ASIC2: variants seen among roughly 807,000 people sequenced by gnomAD.
The protein encoded by ASIC2 is acid-sensing ion channel 2.
Under a neutral mutation model 57.3 loss-of-function variants are expected in ASIC2, and 25 were observed. The observed-to-expected ratio is 0.44, with a 90% CI of 0.32 to 0.61. The LOEUF is 0.61. ASIC2 is among the 20% of genes least tolerant of loss of function. ASIC2 has a pLI of 0.06. For missense variants in ASIC2, 641 were observed against 738.1 expected, an observed-to-expected ratio of 0.87 and a Z score of 1.52; for synonymous variants, 319 against 307.5, an observed-to-expected ratio of 1.04 and a Z score of -0.39.
chr17:33,818,323 A>T (rs1912647651), intron 1 of ASIC2, among the ~76,000 whole-genome samples: 1 of 152,240 alleles, frequency 6.6e-6, no homozygotes, highest in Non-Finnish European at 1.5e-5. Flanking sequence ...TAAACCAATT[A>T]GCTTTTATTA....
chr17:33,677,897 C>G (rs1907875536), intron 1 of ASIC2, among the ~76,000 whole-genome samples: 1 of 152,164 alleles, frequency 6.6e-6, no homozygotes, highest in Non-Finnish European at 1.5e-5. Context: ...GATAAAGCAG[C>G]AGCAGGGTTT....
chr17:33,952,915 T>C (rs923105155), intron 1 of ASIC2, among the ~76,000 whole-genome samples: 1 of 152,186 alleles, frequency 6.6e-6, no homozygotes, highest in Non-Finnish European at 1.5e-5. Flanking sequence ...TGCAAAAATG[T>C]AATTATAAAA....
At chr17:33,284,561 A>G (rs1905074171) in intron 1 of ASIC2, among the ~76,000 whole-genome samples, 1 of 152,180 alleles carries the variant, frequency 6.6e-6, no homozygotes, top group Non-Finnish European at 1.5e-5. Context: ...CTTGCAGTGA[A>G]AAAAACTTCA....
At position 34,156,560 on chromosome 17, in the gene ASIC2, CTTCAGGTTGA is replaced by C. The variant is rs1204696664; in HGVS notation, c.-38_-29del. 6 of 1,544,916 alleles carry C rather than the reference CTTCAGGTTGA, an allele frequency of 3.9e-6. No individual in the cohort carries two copies. The African/African-American group carries it at 4.1e-5, about 11-fold the overall frequency. On this transcript the variant is annotated 5_prime_UTR_variant, in exon 1 of 10. Coordinates refer to the ASIC2 transcript ENST00000359872. This position sits in a 1 kb window ranked among gnomAD's most constrained non-coding sequence, Gnocchi z 4.4. ...GGACCCCGTGCAGTTCCGCAACTGGCTTCAGGTTGATCGAATTTCAGAGAAGAGCTCCCAG... is the reference window on the plus strand; with the variant it reads ...GGACCCCGTGCAGTTCCGCAACTGGCTCGAATTTCAGAGAAGAGCTCCCAG...
intron 1 of ASIC2, among the ~76,000 whole-genome samples, chr17:33,302,239 C>T: frequency 6.6e-6 from 1 of 152,200 alleles, no homozygotes; most frequent in East Asian, 1.9e-4. Context: ...ATACACATAA[C>T]AAAACTCTCG....
rs771624171 is a variant in ASIC2 at position 33,898,220 on chromosome 17, C to CTTTTTTTT, written c.555+257750_555+257757dup. Among the ~76,000 whole-genome samples the CTTTTTTTT allele has an allele frequency of 5.5e-3, 361 of 66,158 alleles. 96 individuals are homozygous for CTTTTTTTT. The highest frequency in any genetic ancestry group is 6.3e-3 in the Non-Finnish European group (229 of 36,084). The allele number at this position is 66,158 out of a possible 152,430, so 43.4% of individuals were successfully genotyped here. ...AAACTGCCCAGAGTTCATGTATAATCTTTTTTTTTTTTTTTTTTTTTTTTT... is the reference window on the plus strand; with the variant it reads ...AAACTGCCCAGAGTTCATGTATAATCTTTTTTTTTTTTTTTTTTTTTTTTTTTTTTTTT... On this transcript the variant is annotated intron_variant, in intron 1 of 9. Coordinates refer to the ASIC2 transcript ENST00000359872.
chr17:33,473,687 T>C (rs1281620335), intron 1 of ASIC2, among the ~76,000 whole-genome samples: 3 of 152,212 alleles, frequency 2.0e-5, no homozygotes, highest in African/African-American at 4.8e-5. Flanking sequence ...CATGATGTTC[T>C]GGACATGAAT....
chr17:33,842,359 C>T (rs1022791517), intron 1 of ASIC2, among the ~76,000 whole-genome samples: 2 of 152,216 alleles, frequency 1.3e-5, no homozygotes, highest in South Asian at 2.1e-4. Flanking sequence ...TTCCCCAGCT[C>T]GGGACACACA....
intron 1 of ASIC2, among the ~76,000 whole-genome samples, chr17:33,356,809 T>C (rs575831978): frequency 6.6e-6 from 1 of 152,164 alleles, no homozygotes; most frequent in African/African-American, 2.4e-5. Flanking sequence ...AATCACGGGC[T>C]TGATGCAGCT....
intron 1 of ASIC2, among the ~76,000 whole-genome samples, chr17:34,130,199 G>A (rs115190252): frequency 8.5e-5 from 13 of 152,276 alleles, no homozygotes; most frequent in African/African-American, 2.4e-4. Flanking sequence ...TTTTCAAGGC[G>A]AGATCATTAG....
At chr17:33,115,856 A>C (rs1248204594) in intron 1 of ASIC2, among the ~76,000 whole-genome samples, 1 of 152,218 alleles carries the variant, frequency 6.6e-6, no homozygotes, top group African/African-American at 2.4e-5. Flanking sequence ...GAGTGAATGA[A>C]TGAATGAATG....
intron 1 of ASIC2, among the ~76,000 whole-genome samples, chr17:33,726,080 A>ATT (rs1909551148): frequency 3.9e-5 from 6 of 152,188 alleles, no homozygotes; most frequent in Non-Finnish European, 8.8e-5. Flanking sequence ...CTGGCCCTGG[A>ATT]CAGAAGGTAG....
At position 33,791,682 on chromosome 17, in the gene ASIC2, A is replaced by C. The variant is rs111903953; in HGVS notation, c.555+364296T>G. Among the ~76,000 whole-genome samples the C allele has an allele frequency of 2.9e-4, 44 of 152,212 alleles. 2 individuals are homozygous for C. Among genetic ancestry groups the C allele is most frequent in the African/African-American group, 1.1e-3 (44 of 41,530 alleles). On this transcript the variant is annotated intron_variant, in intron 1 of 9. Coordinates refer to the ASIC2 transcript ENST00000359872. ...TGATTATGCCAATGGCAAAGAAAGCATGGTGGCTTTCATGCAAATAATGGT... is the reference window on the plus strand; with the variant it reads ...TGATTATGCCAATGGCAAAGAAAGCCTGGTGGCTTTCATGCAAATAATGGT...
intron 1 of ASIC2, among the ~76,000 whole-genome samples, chr17:33,588,052 C>T (rs942063963): frequency 5.9e-5 from 9 of 152,212 alleles, no homozygotes; most frequent in Admixed American, 3.9e-4. Flanking sequence ...TTCTATTCCC[C>T]ACCAGCCAAG....
chr17:33,384,415 T>C (rs1909600865), intron 1 of ASIC2, among the ~76,000 whole-genome samples: 1 of 152,152 alleles, frequency 6.6e-6, no homozygotes, highest in Non-Finnish European at 1.5e-5. Flanking sequence ...GATGCTAGGA[T>C]CTTTTTTTTC....
chr17:33,605,013 T>TTCTCTCTCTCTCTC (rs5820054), intron 1 of ASIC2, among the ~76,000 whole-genome samples: 4 of 148,026 alleles, frequency 2.7e-5, no homozygotes, highest in Admixed American at 1.3e-4. Context: ...TATTACTTCA[T>TTCTCTCTCTCTCTC]TCTCTCTCTC....
chr17:33,412,598 A>G (rs1910701800), intron 1 of ASIC2, among the ~76,000 whole-genome samples: 2 of 152,214 alleles, frequency 1.3e-5, no homozygotes, highest in Non-Finnish European at 2.9e-5. Context: ...AGGCAAAACT[A>G]TGAAATAGTC....
Position 33,134,757 on chromosome 17 carries a change from C to T in ASIC2, c.709-22690G>A, listed in dbSNP as rs554535062. ...CTCCCACTTGGCTGGGGAGGGCTCC[C>T]ATGGCTTGTGGTGTCAGGAGCAGAG... is the stretch of plus-strand genomic sequence containing the variant. On this transcript the variant is annotated intron_variant, in intron 1 of 9. Coordinates refer to ENST00000225823, the MANE Select transcript of ASIC2 (RefSeq NM_183377.2). 9.8e-5 allele frequency among the ~76,000 whole-genome samples: 15 copies of T among 152,318 alleles called. No individual in the cohort carries two copies. The South Asian group carries it at 1.0e-3, about 11-fold the overall frequency.
chr17:33,826,961 T>C (rs1912939355), intron 1 of ASIC2, among the ~76,000 whole-genome samples: 1 of 152,232 alleles, frequency 6.6e-6, no homozygotes, highest in Non-Finnish European at 1.5e-5. Flanking sequence ...TTATGTATTT[T>C]AAGAGCCTAG....
Sources: allele counts gnomAD v4.1 joint callset (sites outside exome capture counted in the v4.1 genomes callset), GRCh38; gene constraint gnomAD v4.1.1; non-coding constraint Gnocchi (gnomAD v3.1); transcripts MANE v1.5; gene names NCBI Gene and HGNC (gene_info 2026-07-23, HGNC 2026-07-21).